ADAMTS3: variants seen among roughly 807,000 people sequenced by gnomAD.
The protein encoded by ADAMTS3 is ADAM metallopeptidase with thrombospondin type 1 motif 3, also known as A disintegrin and metalloproteinase with thrombospondin motifs 3.
A neutral mutation model predicts 129.0 loss-of-function variants in ADAMTS3; 73 were observed. The ratio of observed to expected loss-of-function variants is 0.57; its 90% CI spans 0.47 to 0.69. The LOEUF (loss-of-function observed/expected upper bound fraction) is 0.69. ADAMTS3 is among the 30% of genes least tolerant of loss of function. The pLI is 0.00. For synonymous variants in ADAMTS3, 477 were observed against 510.8 expected (o/e 0.93, Z 0.89); for missense variants, 1,457 against 1,514.5 (o/e 0.96, Z 0.63).
At chr4:72,408,839 G>A (rs1201244112) in intron 4 of ADAMTS3, among the ~76,000 whole-genome samples, 1 of 151,800 alleles carries the variant, frequency 6.6e-6, no homozygotes, top group Non-Finnish European at 1.5e-5. Context: ...ACTATCACAA[G>A]ACCATAAAAC....
At chr4:72,332,455 A>G (rs1719875264) in intron 5 of ADAMTS3, among the ~76,000 whole-genome samples, 1 of 152,162 alleles carries the variant, frequency 6.6e-6, no homozygotes, top group South Asian at 2.1e-4. Context: ...ATTTCAATAT[A>G]CAAAGAAACT....
In ADAMTS3 at chr4:72,334,373, C is replaced by A. The variant is rs534850817; in HGVS notation, c.861+5121G>T. ...ATACTTATTAAAAGACTGAATCGAT[C>A]AAATTTTTATTGCATGTCTACCACA... On this transcript the variant is annotated intron_variant, in intron 5 of 21. Transcript: ENST00000286657. Among the ~76,000 whole-genome samples the A allele has an allele frequency of 4.6e-5, 7 of 152,162 alleles. No homozygotes were observed. In the South Asian group the frequency reaches 1.2e-3, roughly 27 times the overall value.
chr4:72,320,684 A>C, intron 7 of ADAMTS3, 30 bp downstream of exon 7: 1 of 1,605,708 alleles, frequency 6.2e-7, no homozygotes, highest in Non-Finnish European at 8.5e-7. Flanking sequence ...CATGCCCTCA[A>C]GTATTTCTTC....
At chr4:72,381,897 T>C (rs1281249291) in intron 4 of ADAMTS3, among the ~76,000 whole-genome samples, 1 of 152,160 alleles carries the variant, frequency 6.6e-6, no homozygotes, top group Non-Finnish European at 1.5e-5. Flanking sequence ...TTGGGATAGA[T>C]CTTTGGGAAT....
rs146286125 is a variant in ADAMTS3 at position 72,415,030 on chromosome 4, C to G, written c.505-59G>C. The G allele has an allele frequency of 3.2e-3, 3,859 of 1,196,068 alleles. 9 individuals carry two copies. The highest frequency in any genetic ancestry group is 5.1e-3 in the South Asian group (171 of 33,756). The allele number at this position is 1,196,068 out of a possible 1,614,324, so 74.1% of individuals were successfully genotyped here. ...AGAAATATCTATCATCTTCAGCTCA[C>G]AAGCACATCTTTTTAAATGTCAAGA... On this transcript the variant is annotated intron_variant, in intron 3 of 21. Transcript: ENST00000286657.
At chr4:72,380,205 A>G (rs1721251814) in intron 4 of ADAMTS3, among the ~76,000 whole-genome samples, 1 of 152,176 alleles carries the variant, frequency 6.6e-6, no homozygotes, top group Non-Finnish European at 1.5e-5. Context: ...AAGCTGTCAG[A>G]ATCCCCAGAC....
At chr4:72,516,766 A>G (rs971192894) in intron 3 of ADAMTS3, among the ~76,000 whole-genome samples, 1 of 152,048 alleles carries the variant, frequency 6.6e-6, no homozygotes, top group African/African-American at 2.4e-5. Flanking sequence ...TAGATATACA[A>G]TCATGTCATC....
chr4:72,286,365 A>G (rs938668844), intron 21 of ADAMTS3, among the ~76,000 whole-genome samples: 2 of 152,216 alleles, frequency 1.3e-5, no homozygotes, highest in Admixed American at 6.5e-5. Flanking sequence ...GAGCTCTTAC[A>G]TATGTCAATA....
At chr4:72,479,694 G>A (rs1356645037) in intron 3 of ADAMTS3, among the ~76,000 whole-genome samples, 1 of 152,102 alleles carries the variant, frequency 6.6e-6, no homozygotes, top group Admixed American at 6.6e-5. Context: ...ATTAACAAAT[G>A]GGATCTCATT....
rs560898999 is a variant in ADAMTS3 at position 72,361,352 on chromosome 4, CATA to C, written c.662-21662_662-21660del. ...AGGTAATAACATAAACACACATACTCATAATATGTCTTACAAAACATGGAAGAA... is the reference window on the plus strand; with the variant it reads ...AGGTAATAACATAAACACACATACTCATATGTCTTACAAAACATGGAAGAA... On this transcript the variant is annotated intron_variant, in intron 4 of 21. Coordinates refer to ENST00000286657, the MANE Select transcript of ADAMTS3 (RefSeq NM_014243.3). Among the ~76,000 whole-genome samples the C allele has an allele frequency of 8.5e-4, 129 of 152,162 alleles. 1 individual carries two copies. The highest frequency in any genetic ancestry group is 3.0e-3 in the African/African-American group (125 of 41,532).
chr4:72,465,006 A>T (rs1210885168), intron 3 of ADAMTS3, among the ~76,000 whole-genome samples: 2 of 152,020 alleles, frequency 1.3e-5, no homozygotes, highest in African/African-American at 4.8e-5. Flanking sequence ...TAATGGTAAC[A>T]AGACAGAAAT....
chr4:72,381,443 T>G lies in ADAMTS3; in HGVS notation c.661+33372A>C, dbSNP rs1396806958. Among the ~76,000 whole-genome samples, 4 of 152,026 alleles carry G rather than the reference T, an allele frequency of 2.6e-5. No individual in the cohort carries two copies. The South Asian group carries it at 6.2e-4, about 24-fold the overall frequency. On this transcript the variant is annotated intron_variant, in intron 4 of 21. Coordinates refer to ENST00000286657, the MANE Select transcript of ADAMTS3 (RefSeq NM_014243.3). ...ATCCAGCGGCAGTCCACCTCCATTA[T>G]TCAATGAAAATAATCTACATGGATC...
At chr4:72,498,578 G>C (rs935107619) in intron 3 of ADAMTS3, among the ~76,000 whole-genome samples, 1 of 151,806 alleles carries the variant, frequency 6.6e-6, no homozygotes, top group Non-Finnish European at 1.5e-5. Context: ...ACAAAAGCAA[G>C]AAAAACAGAA....
rs114950239 is a variant in ADAMTS3, at chr4:72,290,392, A to C, written c.2931+463T>G. On this transcript the variant is annotated intron_variant, in intron 20 of 21. Coordinates refer to ENST00000286657, the MANE Select transcript of ADAMTS3 (RefSeq NM_014243.3). ...GAGGTTTGGTGGAGAAGGAGAGATT[A>C]TCAGGTAGGAGGAGGGGGAGTACAA... Among the ~76,000 whole-genome samples the C allele has an allele frequency of 4.4e-3, 674 of 152,292 alleles. 4 individuals are homozygous for C. The highest frequency in any genetic ancestry group is 0.024 in the Middle Eastern group (7 of 294).
At chr4:72,304,591 A>T (rs186237189) in intron 16 of ADAMTS3, among the ~76,000 whole-genome samples, 2 of 152,202 alleles carry the variant, frequency 1.3e-5, no homozygotes, top group African/African-American at 4.8e-5. Flanking sequence ...TGATTGTAAA[A>T]TTCCAGAGCC....
chr4:72,421,880 T>G (rs1426199712), intron 3 of ADAMTS3, among the ~76,000 whole-genome samples: 1 of 152,114 alleles, frequency 6.6e-6, no homozygotes, highest in Non-Finnish European at 1.5e-5. Flanking sequence ...CTATACATAC[T>G]TAAGAAAGGA....
intron 15 of ADAMTS3, among the ~76,000 whole-genome samples, chr4:72,308,017 C>A (rs537919938): frequency 6.6e-6 from 1 of 151,794 alleles, no homozygotes; most frequent in Non-Finnish European, 1.5e-5. Context: ...ATGAACATGG[C>A]AAAACCTTTT....
intron 3 of ADAMTS3, among the ~76,000 whole-genome samples, chr4:72,479,483 C>G (rs1243648581): frequency 6.6e-6 from 1 of 152,200 alleles, no homozygotes; most frequent in Non-Finnish European, 1.5e-5. Context: ...GGAAAACTGG[C>G]TAGCCATATG....
At chr4:72,412,450 A>G (rs1722206126) in intron 4 of ADAMTS3, among the ~76,000 whole-genome samples, 1 of 152,038 alleles carries the variant, frequency 6.6e-6, no homozygotes, top group Non-Finnish European at 1.5e-5. Flanking sequence ...TATTTGATCT[A>G]TGAGAAGACT....
Sources: allele counts gnomAD v4.1 joint callset (sites outside exome capture counted in the v4.1 genomes callset), GRCh38; gene constraint gnomAD v4.1.1; transcripts MANE v1.5; gene names NCBI Gene and HGNC (gene_info 2026-07-23, HGNC 2026-07-21).